Variants in WWOX observed in about 807,000 individuals in gnomAD.
WWOX encodes WW domain-containing oxidoreductase.
In WWOX, 69 loss-of-function variants were observed where a neutral mutation model predicts 46.2. That is an observed-to-expected ratio of 1.49 (90% CI 1.23 to 1.82). The LOEUF (loss-of-function observed/expected upper bound fraction) is 1.82, where lower values mean the gene tolerates loss of function less well. Among genes scored for constraint, WWOX ranks in the 40% most tolerant of loss-of-function variants. WWOX has a pLI of 0.00. For synonymous variants in WWOX, 359 were observed against 202.6 expected (o/e 1.77, Z -6.56); for missense variants, 919 against 542.6 (o/e 1.69, Z -6.89).
chr16:78,579,560 A>C (rs1181878864), intron 8 of WWOX, among the ~76,000 whole-genome samples: 2 of 152,146 alleles, frequency 1.3e-5, no homozygotes, highest in Admixed American at 1.3e-4. Flanking sequence ...GGTGCGCCAG[A>C]GACTGCGGAA....
At chr16:78,499,104 T>A (rs1410724368) in intron 8 of WWOX, among the ~76,000 whole-genome samples, 1 of 152,222 alleles carries the variant, frequency 6.6e-6, no homozygotes, top group Non-Finnish European at 1.5e-5. Context: ...TGATTAAAGC[T>A]GAATTTTCCT....
At chr16:79,008,489 A>T (rs770731624) in intron 8 of WWOX, among the ~76,000 whole-genome samples, 6 of 152,162 alleles carry the variant, frequency 3.9e-5, no homozygotes, top group Non-Finnish European at 7.4e-5. Flanking sequence ...GTTGCCGCCC[A>T]CACTCAAGAG....
chr16:78,955,982 A>C (rs1348840501), intron 8 of WWOX, among the ~76,000 whole-genome samples: 1 of 150,916 alleles, frequency 6.6e-6, no homozygotes, highest in African/African-American at 2.4e-5. Flanking sequence ...AAAAACAAAA[A>C]ACAAAAAACA....
At chr16:78,551,437 G>A (rs1358128091) in intron 8 of WWOX, 1 of 152,162 alleles carries the variant, frequency 6.6e-6, no homozygotes, top group East Asian at 1.9e-4. Context: ...ATATTGCCCT[G>A]ATGTCTGGGA....
chr16:78,596,986 A>G (rs889213137), intron 8 of WWOX, among the ~76,000 whole-genome samples: 2 of 152,170 alleles, frequency 1.3e-5, no homozygotes, highest in Non-Finnish European at 1.5e-5. Context: ...ATGCAGTTTA[A>G]AGACAAATCC....
intron 8 of WWOX, among the ~76,000 whole-genome samples, chr16:78,725,948 C>T (rs2048820341): frequency 1.3e-5 from 2 of 151,648 alleles, no homozygotes; most frequent in Non-Finnish European, 2.9e-5. Flanking sequence ...CTTTCCTCTT[C>T]CCTTTTCCTT....
In WWOX at chr16:78,864,120, A is replaced by G. The variant is rs147678273; in HGVS notation, c.1057-347488A>G. Among the ~76,000 whole-genome samples the G allele has an allele frequency of 6.6e-3, 1,001 of 152,348 alleles. 4 individuals are homozygous for G. Among genetic ancestry groups the G allele is most frequent in the Non-Finnish European group, 0.011 (742 of 68,030 alleles). On this transcript the variant is annotated intron_variant, in intron 8 of 8. Coordinates refer to ENST00000566780, the MANE Select transcript of WWOX (RefSeq NM_016373.4). ...TTCTTAGGGATATGTATTTATATCA[A>G]GCCAAACTACCTACCTAACCACCTA...
intron 8 of WWOX, among the ~76,000 whole-genome samples, chr16:78,670,408 C>G (rs1043696788): frequency 6.6e-6 from 1 of 152,202 alleles, no homozygotes; most frequent in Non-Finnish European, 1.5e-5. Context: ...TGCAGTGCCA[C>G]ATGCTGCATT....
At chr16:78,786,138 G>C (rs2050450394) in intron 8 of WWOX, among the ~76,000 whole-genome samples, 1 of 152,150 alleles carries the variant, frequency 6.6e-6, no homozygotes, top group Admixed American at 6.5e-5. Flanking sequence ...TTGAACTCCT[G>C]CCCTCCGGTG....
At chr16:78,276,771 G>C (rs993290323) in intron 5 of WWOX, among the ~76,000 whole-genome samples, 4 of 152,158 alleles carry the variant, frequency 2.6e-5, no homozygotes, top group African/African-American at 9.7e-5. Flanking sequence ...TTTGGTGAGG[G>C]ACGGGGGCTA....
At chr16:79,045,421 A>T (rs76843315) in intron 8 of WWOX, among the ~76,000 whole-genome samples, 5 of 152,144 alleles carry the variant, frequency 3.3e-5, no homozygotes, top group African/African-American at 1.2e-4. Context: ...GTACATCATG[A>T]TCTGCGTGGG....
intron 4 of WWOX, among the ~76,000 whole-genome samples, chr16:78,128,332 G>A (rs185793937): frequency 1.3e-5 from 2 of 152,208 alleles, no homozygotes; most frequent in East Asian, 1.9e-4. Flanking sequence ...TTAATGATGC[G>A]ATCTCATTTA....
chr16:78,967,038 G>T (rs75234558), intron 8 of WWOX, among the ~76,000 whole-genome samples: 5,352 of 152,190 alleles, frequency 0.035, 334 homozygotes, highest in African/African-American at 0.12. Context: ...CTATTCAAAT[G>T]CTTCCTTTGG....
At chr16:78,840,228 A>G (rs1252962341) in intron 8 of WWOX, among the ~76,000 whole-genome samples, 2 of 152,178 alleles carry the variant, frequency 1.3e-5, no homozygotes, top group Non-Finnish European at 2.9e-5. Context: ...CACTAATCCT[A>G]ACTGTGCACA....
chr16:78,194,976 T>C (rs928627448), intron 5 of WWOX, among the ~76,000 whole-genome samples: 1 of 152,196 alleles, frequency 6.6e-6, no homozygotes, highest in African/African-American at 2.4e-5. Flanking sequence ...TTTTTAAACA[T>C]CTGTTGAAGG....
chr16:78,352,011 T>G (rs2081194969), intron 5 of WWOX, among the ~76,000 whole-genome samples: 1 of 152,134 alleles, frequency 6.6e-6, no homozygotes, highest in Non-Finnish European at 1.5e-5. Flanking sequence ...AAATGTTTGG[T>G]GGGAGCAGTT....
chr16:78,595,659 C>T (rs2045471875), intron 8 of WWOX, among the ~76,000 whole-genome samples: 2 of 152,226 alleles, frequency 1.3e-5, no homozygotes, highest in South Asian at 4.1e-4. Flanking sequence ...ATGAGCCATA[C>T]TCAGAGTGGC....
chr16:78,987,131 A>G (rs983316616), intron 8 of WWOX, among the ~76,000 whole-genome samples: 3 of 152,202 alleles, frequency 2.0e-5, no homozygotes, highest in Admixed American at 6.5e-5. Context: ...TAGGACTCCA[A>G]TATTTCTCAT....
intron 8 of WWOX, among the ~76,000 whole-genome samples, chr16:79,069,072 G>C (rs2048498910): frequency 6.6e-6 from 1 of 152,122 alleles, no homozygotes; most frequent in Admixed American, 6.6e-5. Flanking sequence ...AAAGCGCAGA[G>C]CAGATGAACT....
Sources: allele counts gnomAD v4.1 joint callset (sites outside exome capture counted in the v4.1 genomes callset), GRCh38; gene constraint gnomAD v4.1.1; transcripts MANE v1.5; gene names NCBI Gene and HGNC (gene_info 2026-07-23, HGNC 2026-07-21).